Variants in IDE observed in about 807,000 individuals in gnomAD.
The protein encoded by IDE is insulin degrading enzyme.
A neutral mutation model predicts 133.2 loss-of-function variants in IDE; 58 were observed. That is an observed-to-expected ratio of 0.44 (90% CI 0.35 to 0.54). The LOEUF is 0.54. Among genes scored for constraint, IDE ranks in the 20% least tolerant of loss-of-function variants. The pLI is 0.00. For synonymous variants in IDE, 396 were observed against 421.3 expected (o/e 0.94, Z 0.73); for missense variants, 981 against 1,234.0 (o/e 0.79, Z 3.07).
At chr10:92,496,474 T>C (rs1847707902) in intron 11 of IDE, among the ~76,000 whole-genome samples, 1 of 152,136 alleles carries the variant, frequency 6.6e-6, no homozygotes, top group African/African-American at 2.4e-5. Context: ...TGAAGATAGG[T>C]GAATGAGCCA....
intron 1 of IDE, among the ~76,000 whole-genome samples, chr10:92,570,742 C>T (rs947689664): frequency 1.3e-5 from 2 of 151,926 alleles, no homozygotes; most frequent in African/African-American, 2.4e-5. Context: ...TGACAAAACC[C>T]CATCTCTACC....
chr10:92,562,501 C>T (rs890313269), intron 1 of IDE, among the ~76,000 whole-genome samples: 13 of 152,178 alleles, frequency 8.5e-5, no homozygotes, highest in Non-Finnish European at 1.6e-4. Context: ...CACACTGGCT[C>T]CCAAATGGAT....
chr10:92,504,582 G>A (rs1848194326), intron 11 of IDE, among the ~76,000 whole-genome samples: 1 of 152,108 alleles, frequency 6.6e-6, no homozygotes, highest in Non-Finnish European at 1.5e-5. Context: ...TAGGGTGGAA[G>A]GGGGATGACT....
chr10:92,458,405 C>T, intron 22 of IDE, among the ~76,000 whole-genome samples: 1 of 151,446 alleles, frequency 6.6e-6, no homozygotes, highest in East Asian at 1.9e-4. Flanking sequence ...CTAGGTACCC[C>T]TATTAATATC....
chr10:92,551,566 CAAA>C (rs1232265058), intron 1 of IDE, among the ~76,000 whole-genome samples: 2 of 66,618 alleles, frequency 3.0e-5, no homozygotes. Flanking sequence ...GACTCCATCT[CAAA>C]AAAAAAAAAA....
intron 18 of IDE, 44 bp downstream of exon 18, chr10:92,470,208 ATC>A (rs753373099): frequency 7.8e-7 from 1 of 1,280,240 alleles, no homozygotes; most frequent in Admixed American, 2.0e-5. Context: ...GGGAAAAAAT[ATC>A]TTGCAATGAT....
intron 3 of IDE, among the ~76,000 whole-genome samples, chr10:92,533,621 T>C (rs1030620978): frequency 3.3e-5 from 5 of 150,550 alleles, no homozygotes; most frequent in African/African-American, 1.2e-4. Context: ...TGCTTTGGAC[T>C]ACCAGAGTGT....
intron 1 of IDE, chr10:92,559,321 A>G (rs1359520680): frequency 6.6e-6 from 1 of 152,244 alleles, no homozygotes; most frequent in Non-Finnish European, 1.5e-5. Flanking sequence ...CTTGTACACG[A>G]ATGCCCAAAG....
At chr10:92,537,954 C>T (rs1842103430) in intron 1 of IDE, among the ~76,000 whole-genome samples, 1 of 152,048 alleles carries the variant, frequency 6.6e-6, no homozygotes, top group South Asian at 2.1e-4. Context: ...AGGCCTCAAC[C>T]TCCTGGGCTC....
intron 13 of IDE, 45 bp downstream of exon 13, chr10:92,487,151 T>C: frequency 1.9e-6 from 3 of 1,575,652 alleles, no homozygotes; most frequent in Non-Finnish European, 2.6e-6. Context: ...CCCCATGTAT[T>C]AGGTCTGTCC....
At chr10:92,463,422 G>A (rs1200612819) in intron 21 of IDE, among the ~76,000 whole-genome samples, 3 of 152,020 alleles carry the variant, frequency 2.0e-5, no homozygotes, top group Non-Finnish European at 4.4e-5. Flanking sequence ...TAGATACTTA[G>A]GTATCTGTGA....
At chr10:92,476,523 T>G (rs1846261616) in intron 15 of IDE, among the ~76,000 whole-genome samples, 1 of 151,954 alleles carries the variant, frequency 6.6e-6, no homozygotes, top group Admixed American at 6.6e-5. Context: ...GACAGGGTCT[T>G]GCTAGGGTAC....
intron 5 of IDE, among the ~76,000 whole-genome samples, chr10:92,512,181 C>T (rs777353107): frequency 2.6e-5 from 4 of 152,182 alleles, no homozygotes; most frequent in Non-Finnish European, 5.9e-5. Context: ...AGGGAGACAG[C>T]TCCAGGCAAG....
At chr10:92,550,676 C>T (rs1402290524) in intron 1 of IDE, among the ~76,000 whole-genome samples, 2 of 115,906 alleles carry the variant, frequency 1.7e-5, no homozygotes, top group Non-Finnish European at 1.8e-5. Flanking sequence ...AAAAAAAAAT[C>T]GTGGCCAACA....
intron 15 of IDE, 62 bp downstream of exon 15, chr10:92,479,215 C>A (rs954347408): frequency 9.3e-5 from 113 of 1,221,226 alleles, no homozygotes; most frequent in Admixed American, 4.5e-4. Flanking sequence ...TCAAAAAATG[C>A]TTCCATCAAA....
chr10:92,461,920 C>G (rs117501967), intron 21 of IDE, among the ~76,000 whole-genome samples: 2 of 152,036 alleles, frequency 1.3e-5, no homozygotes, highest in Non-Finnish European at 2.9e-5. Flanking sequence ...GTGATCCGCC[C>G]GCCTCGCACT....
At chr10:92,461,073 T>A in intron 22 of IDE, 118 bp downstream of exon 22, 1 of 565,608 alleles carries the variant, frequency 1.8e-6, no homozygotes, top group Non-Finnish European at 3.3e-6. Context: ...ACTCCTGACC[T>A]CAAGTGATCC....
intron 1 of IDE, among the ~76,000 whole-genome samples, chr10:92,540,664 T>C (rs975388222): frequency 2.0e-5 from 3 of 152,116 alleles, no homozygotes; most frequent in Non-Finnish European, 2.9e-5. Flanking sequence ...AATGTAATAA[T>C]GATGATGATG....
intron 1 of IDE, among the ~76,000 whole-genome samples, chr10:92,563,517 C>T (rs1334932869): frequency 3.3e-5 from 5 of 151,314 alleles, no homozygotes; most frequent in Non-Finnish European, 7.4e-5. Context: ...CTTTGGGAGG[C>T]TGAGGCGGGC....
Sources: allele counts gnomAD v4.1 joint callset (sites outside exome capture counted in the v4.1 genomes callset), GRCh38; gene constraint gnomAD v4.1.1; transcripts MANE v1.5; gene names NCBI Gene and HGNC (gene_info 2026-07-23, HGNC 2026-07-21).